Variants in CDH12 observed in about 807,000 individuals in gnomAD.
The protein encoded by CDH12 is cadherin-12.
In CDH12, 41 loss-of-function variants were observed where a neutral mutation model predicts 74.1. The observed-to-expected ratio is 0.55, with a 90% CI of 0.43 to 0.72. The LOEUF (loss-of-function observed/expected upper bound fraction) is 0.72. Ranked by LOEUF, CDH12 falls within the 30% of genes least tolerant of loss-of-function variation. CDH12 has a pLI of 0.00. For missense variants in CDH12, 945 were observed against 977.2 expected, an observed-to-expected ratio of 0.97 and a Z score of 0.44; for synonymous variants, 399 against 355.0, an observed-to-expected ratio of 1.12 and a Z score of -1.39.
chr5:22,027,198 C>T (rs1196654546), intron 5 of CDH12, among the ~76,000 whole-genome samples: 2 of 152,042 alleles, frequency 1.3e-5, no homozygotes, highest in Non-Finnish European at 2.9e-5. Context: ...TTTTGATGTG[C>T]TGCTGGATTC....
At chr5:22,145,579 A>G (rs1215043617) in intron 4 of CDH12, among the ~76,000 whole-genome samples, 1 of 152,098 alleles carries the variant, frequency 6.6e-6, no homozygotes, top group Non-Finnish European at 1.5e-5. Flanking sequence ...TAAACACACA[A>G]TATATCAATT....
intron 1 of CDH12, among the ~76,000 whole-genome samples, chr5:22,848,017 G>A (rs1008157621): frequency 3.3e-5 from 5 of 151,962 alleles, no homozygotes; most frequent in Admixed American, 6.5e-5. Context: ...CTGAGTAGCT[G>A]GGATGAAAGG....
intron 11 of CDH12, among the ~76,000 whole-genome samples, chr5:21,769,551 C>T (rs1212605803): frequency 6.6e-6 from 1 of 152,070 alleles, no homozygotes; most frequent in African/African-American, 2.4e-5. Flanking sequence ...GAAATGTCAG[C>T]TTAATTGTCA....
intron 2 of CDH12, among the ~76,000 whole-genome samples, chr5:22,453,205 C>T (rs1745123164): frequency 6.6e-6 from 1 of 151,960 alleles, no homozygotes; most frequent in Non-Finnish European, 1.5e-5. Context: ...AATAAAATTA[C>T]CATATGATCC....
intron 1 of CDH12, among the ~76,000 whole-genome samples, chr5:22,796,455 A>G (rs1054291158): frequency 2.0e-5 from 3 of 149,414 alleles, no homozygotes; most frequent in Non-Finnish European, 3.0e-5. Context: ...CATTTTTTTC[A>G]TATTCCTGTT....
chr5:22,649,652 C>T (rs533071296), intron 1 of CDH12, among the ~76,000 whole-genome samples: 101 of 152,168 alleles, frequency 6.6e-4, no homozygotes, highest in African/African-American at 2.3e-3. Flanking sequence ...ACAAAAATGC[C>T]TATCCTTATT....
chr5:22,725,502 T>G (rs1384261379), intron 1 of CDH12, among the ~76,000 whole-genome samples: 1 of 151,804 alleles, frequency 6.6e-6, no homozygotes, highest in Non-Finnish European at 1.5e-5. Context: ...TTAGCCTATT[T>G]GGGCTGCTGT....
intron 1 of CDH12, chr5:22,580,290 TC>T (rs1740017747): frequency 2.6e-6 from 1 of 390,720 alleles, no homozygotes; most frequent in African/African-American, 2.1e-5. Context: ...GGCAAAGAGG[TC>T]GTCGATGTCA....
At chr5:22,355,523 A>T (rs74516079) in intron 3 of CDH12, among the ~76,000 whole-genome samples, 26,625 of 83,790 alleles carry the variant, frequency 0.32, 2,853 homozygotes, top group Non-Finnish European at 0.44. Flanking sequence ...TTAAAAAAAA[A>T]ATATATATAT....
chr5:22,029,402 A>C (rs1412631741), intron 5 of CDH12, among the ~76,000 whole-genome samples: 2 of 152,090 alleles, frequency 1.3e-5, no homozygotes, highest in Admixed American at 6.6e-5. Flanking sequence ...CAATGAACTC[A>C]AACAAATTTA....
At chr5:22,121,668 A>T (rs767903386) in intron 4 of CDH12, among the ~76,000 whole-genome samples, 2 of 152,178 alleles carry the variant, frequency 1.3e-5, no homozygotes, top group Admixed American at 6.5e-5. Flanking sequence ...AGTCACTTAA[A>T]CATTTGTGTA....
intron 5 of CDH12, among the ~76,000 whole-genome samples, chr5:22,024,534 A>G (rs1312728937): frequency 6.6e-6 from 1 of 152,172 alleles, no homozygotes; most frequent in African/African-American, 2.4e-5. Flanking sequence ...TATTTTTGAT[A>G]CAGAGTCTCA....
intron 2 of CDH12, among the ~76,000 whole-genome samples, chr5:22,446,694 C>T (rs562890570): frequency 6.6e-6 from 1 of 151,992 alleles, no homozygotes; most frequent in Non-Finnish European, 1.5e-5. Context: ...CTGAATATTG[C>T]TATAATTGTC....
intron 6 of CDH12, among the ~76,000 whole-genome samples, chr5:21,972,342 C>T (rs1756887665): frequency 6.6e-6 from 1 of 152,072 alleles, no homozygotes; most frequent in Non-Finnish European, 1.5e-5. Flanking sequence ...CTGATATCTA[C>T]AACAGGCAGT....
At chr5:21,832,291 C>T (rs1749065925) in intron 8 of CDH12, among the ~76,000 whole-genome samples, 1 of 152,000 alleles carries the variant, frequency 6.6e-6, no homozygotes, top group Non-Finnish European at 1.5e-5. Flanking sequence ...ATGATTCATG[C>T]TCTCGTTAGC....
chr5:22,457,211 C>G (rs1260545120), intron 2 of CDH12, among the ~76,000 whole-genome samples: 1 of 152,086 alleles, frequency 6.6e-6, no homozygotes, highest in Admixed American at 6.6e-5. Flanking sequence ...ATTCTTAGGG[C>G]TGCTGTGACA....
At chr5:22,358,169 G>A (rs927114160) in intron 3 of CDH12, among the ~76,000 whole-genome samples, 2 of 152,140 alleles carry the variant, frequency 1.3e-5, no homozygotes, top group Admixed American at 1.3e-4. Context: ...AACACTTTGG[G>A]AGGCCAAGGC....
chr5:22,216,203 T>C (rs537463451), intron 3 of CDH12, among the ~76,000 whole-genome samples: 1 of 152,168 alleles, frequency 6.6e-6, no homozygotes. Flanking sequence ...CTTCATTTAC[T>C]TAGGTTTGTT....
At chr5:22,599,293 A>G (rs1736740261) in intron 1 of CDH12, among the ~76,000 whole-genome samples, 2 of 152,162 alleles carry the variant, frequency 1.3e-5, no homozygotes, top group Non-Finnish European at 2.9e-5. Context: ...TGGGCTGGTG[A>G]TAAGATTCGG....
Sources: gnomAD v4.1 joint callset for allele counts (sites outside exome capture counted in the v4.1 genomes callset) on GRCh38, gnomAD v4.1.1 for gene constraint, MANE v1.5 for transcripts, NCBI Gene and HGNC (gene_info 2026-07-23, HGNC 2026-07-21) for gene names.